Variants in RAPGEF3 observed in about 807,000 individuals in gnomAD.
RAPGEF3 encodes the protein Rap guanine nucleotide exchange factor 3.
In RAPGEF3, 103 loss-of-function variants were observed where a neutral mutation model predicts 129.8. That is an observed-to-expected ratio of 0.79 (90% CI 0.68 to 0.93). The LOEUF (loss-of-function observed/expected upper bound fraction) is 0.93, where lower values mean the gene tolerates loss of function less well. Ranked by LOEUF, RAPGEF3 falls within the 40% of genes least tolerant of loss-of-function variation. The pLI is 0.00. For missense variants in RAPGEF3, 1,117 were observed against 1,207.4 expected (o/e 0.93, Z 1.11); for synonymous variants, 436 against 482.6 (o/e 0.90, Z 1.26).
chr12:47,748,539 A>G lies in RAPGEF3; in HGVS notation c.1158T>C (p.Tyr386=), dbSNP rs201953513. 22 of 1,613,528 alleles carry G rather than the reference A, an allele frequency of 1.4e-5. No homozygotes were observed. In the East Asian group the frequency reaches 4.5e-4, roughly 33 times the overall value. ...TCTCTGGGGTGCCAGACATCACTGT[A>G]TACCTAGCAGAAATGGCCAATCTTT... ...SRPPTPGRNR[Y]TVMSGTPEKI... is the part of the protein sequence containing the mutation. Residue 386 remains tyrosine (Y), a synonymous_variant, in exon 12 of 28, where the codon TAT becomes TAC. Coordinates refer to ENST00000449771, the MANE Select transcript of RAPGEF3 (RefSeq NM_001098531.4).
chr12:47,740,121 G>T lies in RAPGEF3; in HGVS notation c.2373+20C>A. 2 of 1,609,928 alleles carry T rather than the reference G, an allele frequency of 1.2e-6. No individual in the cohort carries two copies. The highest frequency in any genetic ancestry group is 1.7e-6 in the Non-Finnish European group (2 of 1,178,328). On this transcript the variant is annotated intron_variant, in intron 23 of 27. Coordinates refer to ENST00000449771, the MANE Select transcript of RAPGEF3 (RefSeq NM_001098531.4). ...CAGCTGATCCTAGCAGAGCCAGGCC[G>T]GGCAGGGTGGAGCACTCACCAGCAG...
chr12:47,751,134 A>T lies in RAPGEF3; in HGVS notation c.585T>A (p.His195Gln), dbSNP rs374892191. The T allele has an allele frequency of 6.4e-7, 1 of 1,559,010 alleles. No homozygotes were observed. Among genetic ancestry groups the T allele is most frequent in the Admixed American group, 1.9e-5 (1 of 52,592 alleles). Residue 195 changes from histidine to glutamine, a missense_variant, in exon 6 of 28, where the codon CAT (histidine) becomes CAA (glutamine). Transcript: ENST00000449771. Reference protein sequence around the residue: ...PGPEPEPVRTHEMEEELAEAV... With the variant: ...PGPEPEPVRTQEMEEELAEAV... ...CTTCGGCCAACTCCTCCTCCATCTC[A>T]TGAGTTCTCACGGGCTCGGGCTCGG...
intron 2 of RAPGEF3, chr12:47,753,953 A>G (rs1941906591): frequency 6.6e-6 from 1 of 152,244 alleles, no homozygotes; most frequent in South Asian, 2.1e-4. Context: ...GCACTGAGGA[A>G]GGGACTTTAA....
intron 21 of RAPGEF3, 66 bp downstream of exon 21, chr12:47,740,575 AG>A: frequency 6.4e-7 from 1 of 1,554,340 alleles, no homozygotes; most frequent in Non-Finnish European, 8.7e-7. Flanking sequence ...CTAAGCAAAG[AG>A]GGGGGCTTAG....
chr12:47,750,910 G>T lies in RAPGEF3; in HGVS notation c.671+138C>A, dbSNP rs772048291. ...ACACAGTGAGTCCGTGGCAGTCAGC[G>T]CCAGGGGCTTCTGGGCCAGCCAGGT... On this transcript the variant is annotated intron_variant, in intron 6 of 27. Coordinates refer to ENST00000449771, the MANE Select transcript of RAPGEF3 (RefSeq NM_001098531.4). The T allele has an allele frequency of 1.7e-4, 215 of 1,265,314 alleles. 1 individual carries two copies. In the Middle Eastern group the frequency reaches 0.012, roughly 70 times the overall value. The allele number at this position is 1,265,314 out of a possible 1,614,324, so 78.4% of individuals were successfully genotyped here.
At chr12:47,751,361 G>T (rs1428139177) in intron 5 of RAPGEF3, 38 bp downstream of exon 5, 1 of 1,612,046 alleles carries the variant, frequency 6.2e-7, no homozygotes, top group East Asian at 2.2e-5. Flanking sequence ...TCACTGCCCA[G>T]CCCAGCCCGG....
chr12:47,748,708 C>G lies in RAPGEF3; in HGVS notation c.1154+111G>C. Reference sequence around the variant, plus strand: ...CAGGCACATCCTGGTCCCTCAATACCTCTCCATCCACAAGTGGCCAGAGGG... The same window carrying G: ...CAGGCACATCCTGGTCCCTCAATACGTCTCCATCCACAAGTGGCCAGAGGG... On this transcript the variant is annotated intron_variant, in intron 11 of 27. Transcript: ENST00000449771. The G allele has an allele frequency of 5.8e-6, 6 of 1,040,360 alleles. No homozygotes were observed. The South Asian group carries it at 8.2e-5, about 14-fold the overall frequency. 64.4% of individuals were successfully genotyped at this position (1,040,360 alleles called of 1,614,324 possible). A position where few individuals can be genotyped will look rare whatever the true frequency, so the allele number is the denominator to read the frequency against.
rs1941768804 is a variant in RAPGEF3, at chr12:47,751,831, T to C, written c.274-2A>G. On this transcript the variant is annotated splice_acceptor_variant, in intron 3 of 27. Transcript: ENST00000449771. LOFTEE classifies it high-confidence loss of function. ...CCTGAGCACCCGCTCTGTGGAGGCC[T>C]TAGAGGGAGGAAGGGCACAGCAGTT... is the stretch of plus-strand genomic sequence containing the variant. The C allele has an allele frequency of 6.2e-7, 1 of 1,613,982 alleles. No individual in the cohort carries two copies. The highest frequency in any genetic ancestry group is 1.1e-5 in the South Asian group (1 of 91,086).
intron 11 of RAPGEF3, 46 bp from the exon 12 acceptor site, chr12:47,748,588 C>T: frequency 6.8e-7 from 1 of 1,470,170 alleles, no homozygotes; most frequent in South Asian, 1.1e-5. Flanking sequence ...CTACTCCCCA[C>T]TCCCACACCT....
chr12:47,740,809 G>A lies in RAPGEF3; in HGVS notation c.2064C>T (p.His688=), dbSNP rs1427450092. 1.9e-6 allele frequency: 3 copies of A among 1,613,852 alleles called. No individual in the cohort carries two copies. Among genetic ancestry groups the A allele is most frequent in the Non-Finnish European group, 2.5e-6 (3 of 1,179,996 alleles). Residue 688 remains histidine, a synonymous_variant, in exon 21 of 28, where the codon CAC becomes CAT. Transcript: ENST00000449771. ...GCAGATGCTGGGGGCCCAGCACATAGTGGATCAGCTCCACCTGGGTGGGGT... is the reference window on the plus strand; with the variant it reads ...GCAGATGCTGGGGGCCCAGCACATAATGGATCAGCTCCACCTGGGTGGGGT... The part of the protein sequence containing the change: ...FNSIHQVELI[H]YVLGPQHLRD...
rs1029945157 is a variant in RAPGEF3 at position 47,748,649 on chromosome 12, G to A, written c.1155-107C>T. 3.4e-5 allele frequency: 39 copies of A among 1,131,132 alleles called. No homozygotes were observed. The African/African-American group carries it at 5.5e-4, about 16-fold the overall frequency. The allele number at this position is 1,131,132 out of a possible 1,614,324, so 70.1% of individuals were successfully genotyped here. A position where few individuals can be genotyped will look rare whatever the true frequency, so the allele number is the denominator to read the frequency against. On this transcript the variant is annotated intron_variant, in intron 11 of 27. Transcript: ENST00000449771. ...TCATTTTTCTCCATTAGCCAGCCCT[G>A]TCCCACCTTAGGGCAGGGAGGAGAC...
In RAPGEF3 at chr12:47,738,215, G is replaced by T; in HGVS notation, c.2559C>A (p.His853Gln). 1.2e-6 allele frequency: 2 copies of T among 1,613,756 alleles called. No individual in the cohort carries two copies. Among genetic ancestry groups the T allele is most frequent in the Non-Finnish European group, 1.7e-6 (2 of 1,180,010 alleles). ...RMMARAARMLHHCRSHNPVPL... is the reference protein window; with the variant it reads ...RMMARAARMLQHCRSHNPVPL... ...CACCAGGGTTGTGGCTTCGGCAGTG[G>T]TGCAGCATCCGCGCGGCTCTGGCCA... The change falls in exon 26 of 28, where the codon CAC (histidine) becomes CAA (glutamine). Residue 853 changes from histidine to glutamine, a missense_variant. His to Gln is a conservative substitution (Grantham distance 24). Coordinates refer to ENST00000449771, the MANE Select transcript of RAPGEF3 (RefSeq NM_001098531.4).
At position 47,735,936 on chromosome 12, in the gene RAPGEF3, G is replaced by C. The variant is rs1020076750; in HGVS notation, c.*1631C>G. The C allele has an allele frequency of 1.3e-5, 2 of 152,442 alleles. No homozygotes were observed. The highest frequency in any genetic ancestry group is 2.4e-5 in the African/African-American group (1 of 41,462). 9.4% of individuals were successfully genotyped at this position (152,442 alleles called of 1,614,324 possible). The stretch of plus-strand genomic sequence containing the variant: ...TCTCCTGTGTCCCCACCCACGGCAA[G>C]GGAACTGGTTTGGTTACCACTGCCA... On this transcript the variant is annotated 3_prime_UTR_variant, in exon 28 of 28. Transcript: ENST00000449771.
Position 47,758,816 on chromosome 12 carries a change from G to C in RAPGEF3, c.-260C>G. 1 of 1,233,026 alleles carries C rather than the reference G, an allele frequency of 8.1e-7. No individual in the cohort carries two copies. The highest frequency in any genetic ancestry group is 1.0e-6 in the Non-Finnish European group (1 of 985,524). The allele number at this position is 1,233,026 out of a possible 1,614,324, so 76.4% of individuals were successfully genotyped here. On this transcript the variant is annotated 5_prime_UTR_variant, in exon 1 of 28. Coordinates refer to ENST00000449771, the MANE Select transcript of RAPGEF3 (RefSeq NM_001098531.4). ...CCAGCCACCGGCGACAGGGAGCCCC[G>C]AGCCTGCGCCTTCGTCTCAGACGAA...
chr12:47,756,912 T>G (rs1942093980), intron 2 of RAPGEF3, among the ~76,000 whole-genome samples: 1 of 150,834 alleles, frequency 6.6e-6, no homozygotes, highest in Non-Finnish European at 1.5e-5. Context: ...GAGGCTGTAG[T>G]GAGCCAAGAT....
intron 16 of RAPGEF3, 84 bp downstream of exon 16, chr12:47,746,776 A>G: frequency 7.1e-7 from 1 of 1,411,016 alleles, no homozygotes; most frequent in South Asian, 1.2e-5. Context: ...TCCCACGCCC[A>G]CAGAGCCCCT....
chr12:47,754,729 C>G (rs1941952627), intron 2 of RAPGEF3, among the ~76,000 whole-genome samples: 1 of 152,110 alleles, frequency 6.6e-6, no homozygotes, highest in Non-Finnish European at 1.5e-5. Flanking sequence ...GCCCTATTAC[C>G]AGGACACAGT....
chr12:47,758,237 A>T, intron 1 of RAPGEF3, 159 bp from the exon 2 acceptor site: 1 of 1,434,108 alleles, frequency 7.0e-7, no homozygotes, highest in East Asian at 2.5e-5. Flanking sequence ...GAACAGGAAG[A>T]CCTTCACTGG....
Position 47,741,514 on chromosome 12 carries a change from C to T in RAPGEF3, c.1914G>A (p.Val638=), listed in dbSNP as rs1371154165. Reference sequence around the variant, plus strand: ...CCTGCCTGGTCCCTACCAGCTCATGCACTTCCTGTGGGTTGACAACAAAGA... The same window carrying T: ...CCTGCCTGGTCCCTACCAGCTCATGTACTTCCTGTGGGTTGACAACAAAGA... The part of the protein sequence containing the change: ...ERLFVVNPQE[V]HELIPHPDQL... Residue 638 remains valine, a synonymous_variant, in exon 19 of 28, where the codon GTG becomes GTA. Transcript: ENST00000449771. 2.5e-6 allele frequency: 4 copies of T among 1,613,876 alleles called. No individual in the cohort carries two copies. The highest frequency in any genetic ancestry group is 2.5e-6 in the Non-Finnish European group (3 of 1,179,890).
Sources: allele counts gnomAD v4.1 joint callset (sites outside exome capture counted in the v4.1 genomes callset), GRCh38; gene constraint gnomAD v4.1.1; transcripts MANE v1.5; gene names NCBI Gene and HGNC (gene_info 2026-07-23, HGNC 2026-07-21).